GRB2: variants seen among roughly 807,000 people sequenced by gnomAD.
GRB2 encodes growth factor receptor-bound protein 2.
GRB2 carries 2 observed loss-of-function variants against 27.4 expected under a neutral mutation model. The ratio of observed to expected loss-of-function variants is 0.07; its 90% CI spans 0.03 to 0.23. The LOEUF is 0.23. GRB2 is among the 10% of genes least tolerant of loss of function. The probability of loss-of-function intolerance (pLI) is 1.00; values close to 1 mark genes in which losing one functional copy is unlikely to be tolerated. For synonymous variants in GRB2, 94 were observed against 99.6 expected, an observed-to-expected ratio of 0.94 and a Z score of 0.33; for missense variants, 102 against 282.4, an observed-to-expected ratio of 0.36 and a Z score of 4.58.
chr17:75,340,403 T>A (rs992762789), intron 2 of GRB2, among the ~76,000 whole-genome samples: 1 of 152,324 alleles, frequency 6.6e-6, no homozygotes, highest in African/African-American at 2.4e-5. Context: ...AACTCTTGAG[T>A]ATCACTCAGG....
chr17:75,358,580 C>T, intron 2 of GRB2, among the ~76,000 whole-genome samples: 1 of 151,318 alleles, frequency 6.6e-6, no homozygotes, highest in South Asian at 2.1e-4. Flanking sequence ...GAGTAACAGA[C>T]AGGGCCAGCC....
chr17:75,351,624 A>G (rs1353955440), intron 2 of GRB2, among the ~76,000 whole-genome samples: 1 of 152,102 alleles, frequency 6.6e-6, no homozygotes, highest in African/African-American at 2.4e-5. Flanking sequence ...CTGCACCCCA[A>G]TCTGGGTGAC....
intron 1 of GRB2, among the ~76,000 whole-genome samples, chr17:75,404,261 G>A (rs1249332995): frequency 6.6e-6 from 1 of 152,072 alleles, no homozygotes; most frequent in Non-Finnish European, 1.5e-5. Context: ...CCTAGTGGCA[G>A]GACTGATTTC....
intron 2 of GRB2, among the ~76,000 whole-genome samples, chr17:75,337,886 CTACTACTACTACTACTATTAT>C (rs1489469636): frequency 8.1e-6 from 1 of 122,782 alleles, no homozygotes; most frequent in African/African-American, 3.2e-5. Flanking sequence ...ACTACTACTA[CTACTACTACTACTACTATTAT>C]TATTATTATT....
intron 2 of GRB2, among the ~76,000 whole-genome samples, chr17:75,367,584 A>G (rs957464914): frequency 6.6e-6 from 1 of 152,242 alleles, no homozygotes; most frequent in African/African-American, 2.4e-5. Flanking sequence ...GCTGGGAAAT[A>G]TGCATAAAGA....
chr17:75,361,811 C>G (rs539419253), intron 2 of GRB2, among the ~76,000 whole-genome samples: 1 of 151,686 alleles, frequency 6.6e-6, no homozygotes, highest in Admixed American at 6.6e-5. Context: ...CTGAGCAACT[C>G]TATTAAAATG....
chr17:75,337,895 CTACTACTATTATTATTATTATTAT>C (rs958378563), intron 2 of GRB2, among the ~76,000 whole-genome samples: 3 of 124,482 alleles, frequency 2.4e-5, no homozygotes, highest in African/African-American at 9.8e-5. Context: ...ACTACTACTA[CTACTACTATTATTATTATTATTAT>C]TATTATTATT....
chr17:75,366,500 CAA>C (rs34051020), intron 2 of GRB2, among the ~76,000 whole-genome samples: 2 of 111,882 alleles, frequency 1.8e-5, no homozygotes, highest in African/African-American at 4.0e-5. Flanking sequence ...GATCAGCTTC[CAA>C]AAAAAAAAAA....
intron 2 of GRB2, among the ~76,000 whole-genome samples, chr17:75,389,703 G>A (rs973514118): frequency 3.3e-5 from 5 of 152,076 alleles, no homozygotes; most frequent in South Asian, 2.1e-4. Flanking sequence ...AAAATTAGCC[G>A]GGCGTGCTGG....
intron 2 of GRB2, among the ~76,000 whole-genome samples, chr17:75,353,160 G>A (rs755599171): frequency 1.6e-4 from 24 of 148,550 alleles, no homozygotes; most frequent in Non-Finnish European, 3.1e-4. Context: ...ACTTCAGCCT[G>A]GGCGACAGAG....
chr17:75,376,331 AG>A, intron 2 of GRB2, among the ~76,000 whole-genome samples: 1 of 128,434 alleles, frequency 7.8e-6, no homozygotes, highest in East Asian at 2.6e-4. Context: ...GGTGACAGAC[AG>A]AGACTCTGTC....
intron 2 of GRB2, among the ~76,000 whole-genome samples, chr17:75,339,573 G>A (rs2078606400): frequency 6.6e-6 from 1 of 151,392 alleles, no homozygotes; most frequent in Admixed American, 6.6e-5. Flanking sequence ...TTCTGTTTGT[G>A]AAAGTTCACT....
At position 75,320,238 on chromosome 17, in the gene GRB2, G is replaced by A. The variant is rs2078449220; in HGVS notation, c.*130C>T. The A allele has an allele frequency of 1.4e-6, 1 of 719,882 alleles. No homozygotes were observed. The allele number at this position is 719,882 out of a possible 1,614,324, so 44.6% of individuals were successfully genotyped here. On this transcript the variant is annotated 3_prime_UTR_variant, in exon 6 of 6. Coordinates refer to ENST00000316804, the MANE Select transcript of GRB2 (RefSeq NM_002086.5). The surrounding 1 kb of genome is among the most constrained non-coding windows in gnomAD (Gnocchi z 4.3). ...CCCTAAAGTTCCAACCAAAGTGAGA[G>A]GGTCACAGGGTGACCCGGCCAGGTG... is the stretch of plus-strand genomic sequence containing the variant.
chr17:75,347,023 G>A (rs1385623186), intron 2 of GRB2, among the ~76,000 whole-genome samples: 1 of 152,144 alleles, frequency 6.6e-6, no homozygotes, highest in East Asian at 1.9e-4. Context: ...AGTGTCTGTG[G>A]ACAGTCTTGG....
chr17:75,348,522 G>A (rs1475842751), intron 2 of GRB2, among the ~76,000 whole-genome samples: 2 of 152,172 alleles, frequency 1.3e-5, no homozygotes, highest in Non-Finnish European at 2.9e-5. Flanking sequence ...AAGCTGAAAA[G>A]GGAATAAGAA....
rs576940115 is a variant in GRB2 at position 75,322,152 on chromosome 17, C to T, written c.300-325G>A. Among the ~76,000 whole-genome samples, 13 of 152,258 alleles carry T rather than the reference C, an allele frequency of 8.5e-5. No individual in the cohort carries two copies. The South Asian group carries it at 1.0e-3, about 12-fold the overall frequency. Reference sequence around the variant, plus strand: ...ACTTTGGAGGCCGTGGTGGGCAGATCACCTGAGGTCGGGAGTTCGAGACCA... The same window carrying T: ...ACTTTGGAGGCCGTGGTGGGCAGATTACCTGAGGTCGGGAGTTCGAGACCA... On this transcript the variant is annotated intron_variant, in intron 4 of 5. Coordinates refer to ENST00000316804, the MANE Select transcript of GRB2 (RefSeq NM_002086.5).
chr17:75,339,075 G>A lies in GRB2; in HGVS notation c.79-6278C>T, dbSNP rs1400575789. On this transcript the variant is annotated intron_variant, in intron 2 of 5. Coordinates refer to ENST00000316804, the MANE Select transcript of GRB2 (RefSeq NM_002086.5). Reference sequence around the variant, plus strand: ...CCAACTGCAGATCTAAGAGAATGCTGGCTATTAAAAGATGCAAGCATTTTG... The same window carrying A: ...CCAACTGCAGATCTAAGAGAATGCTAGCTATTAAAAGATGCAAGCATTTTG... 7 of 1,356,374 alleles carry A rather than the reference G, an allele frequency of 5.2e-6. No individual in the cohort carries two copies. The Admixed American group carries it at 1.2e-4, about 23-fold the overall frequency. The allele number at this position is 1,356,374 out of a possible 1,614,324, so 84.0% of individuals were successfully genotyped here. A position where few individuals can be genotyped will look rare whatever the true frequency, so the allele number is the denominator to read the frequency against.
intron 2 of GRB2, among the ~76,000 whole-genome samples, chr17:75,337,903 ATTATT>A (rs2078591082): frequency 9.2e-6 from 1 of 108,890 alleles, no homozygotes; most frequent in Non-Finnish European, 1.9e-5. Context: ...TACTACTACT[ATTATT>A]ATTATTATTA....
In GRB2 at chr17:75,374,426, A is replaced by C. The variant is rs529617202; in HGVS notation, c.78+19125T>G. Among the ~76,000 whole-genome samples, 15 of 136,858 alleles carry C rather than the reference A, an allele frequency of 1.1e-4. 1 individual carries two copies. The South Asian group carries it at 3.6e-3, about 33-fold the overall frequency. 89.8% of individuals were successfully genotyped at this position (136,858 alleles called of 152,430 possible). On this transcript the variant is annotated intron_variant, in intron 2 of 5. Transcript: ENST00000316804. ...ATCAAAAAAAAAAAAAAAAAAAAAG[A>C]ATTCCTCAAAATGCTACATTTGGCT...
Sources: allele counts gnomAD v4.1 joint callset (sites outside exome capture counted in the v4.1 genomes callset), GRCh38; gene constraint gnomAD v4.1.1; non-coding constraint Gnocchi (gnomAD v3.1); transcripts MANE v1.5; gene names NCBI Gene and HGNC (gene_info 2026-07-23, HGNC 2026-07-21).